GPHN: variants seen among roughly 807,000 people sequenced by gnomAD.
GPHN encodes gephyrin.
Under a neutral mutation model 95.5 loss-of-function variants are expected in GPHN, and 17 were observed. The observed-to-expected ratio is 0.18, with a 90% CI of 0.12 to 0.27. The LOEUF is 0.27. Ranked by LOEUF, GPHN falls within the 10% of genes least tolerant of loss-of-function variation. The probability of loss-of-function intolerance (pLI) is 1.00; values close to 1 mark genes in which losing one functional copy is unlikely to be tolerated. For synonymous variants in GPHN, 320 were observed against 322.5 expected (o/e 0.99, Z 0.08); for missense variants, 660 against 978.1 (o/e 0.67, Z 4.34).
At chr14:67,238,294 G>A in the GPHN span, among the ~76,000 whole-genome samples, 9 of 133,330 alleles carry the variant, frequency 6.8e-5, no homozygotes, top group African/African-American at 1.2e-4. Flanking sequence ...TTTTAGACAC[G>A]GTCTTGCTCT....
the GPHN span, chr14:67,347,278 T>G: frequency 1.4e-6 from 1 of 721,694 alleles, no homozygotes; most frequent in South Asian, 1.9e-5. Flanking sequence ...TTGTCCTGAC[T>G]ATATCAAATA....
At chr14:66,555,681 T>G (rs1188865038) in intron 1 of GPHN, among the ~76,000 whole-genome samples, 1 of 152,124 alleles carries the variant, frequency 6.6e-6, no homozygotes, top group East Asian at 1.9e-4. Flanking sequence ...AGGTTTGTCT[T>G]AGTGTTTGGG....
At chr14:66,965,881 T>G (rs960463290) in intron 9 of GPHN, among the ~76,000 whole-genome samples, 1 of 79,192 alleles carries the variant, frequency 1.3e-5, no homozygotes, top group Admixed American at 1.7e-4. Context: ...TTTCTTAGTC[T>G]TTTTTTTTAT....
rs570533677 is a variant in GPHN, at chr14:67,173,945, G to A, written c.2079+4909G>A. ...ATAGAGAGCTTCAATAACAGACTTT[G>A]TCAGGCCGAAGACTTTCTGAACTTG... On this transcript the variant is annotated intron_variant, in intron 21 of 22. Coordinates refer to ENST00000478722, the MANE Select transcript of GPHN (RefSeq NM_020806.5). Among the ~76,000 whole-genome samples the A allele has an allele frequency of 3.4e-4, 52 of 152,232 alleles. 1 individual carries two copies. The highest frequency in any genetic ancestry group is 1.3e-3 in the African/African-American group (52 of 41,546).
At chr14:66,518,258 A>G (rs1276021480) in intron 1 of GPHN, among the ~76,000 whole-genome samples, 1 of 152,148 alleles carries the variant, frequency 6.6e-6, no homozygotes, top group Non-Finnish European at 1.5e-5. Flanking sequence ...ATTAATCATC[A>G]GGAAAATGCA....
chr14:66,575,825 G>A (rs1476430935), intron 1 of GPHN, among the ~76,000 whole-genome samples: 1 of 152,068 alleles, frequency 6.6e-6, no homozygotes, highest in Non-Finnish European at 1.5e-5. Context: ...GTGTCTGGGT[G>A]TCTGGGATCT....
chr14:67,202,964 G>C, the GPHN span: 1 of 992,242 alleles, frequency 1.0e-6, no homozygotes, highest in African/African-American at 1.6e-5. Context: ...GCATGAGCAA[G>C]TGAAGGAACA....
chr14:66,619,781 A>AT (rs1482571633), intron 1 of GPHN, among the ~76,000 whole-genome samples: 1 of 151,832 alleles, frequency 6.6e-6, no homozygotes, highest in Non-Finnish European at 1.5e-5. Flanking sequence ...TTTATTTTCC[A>AT]TTTGTTCATT....
At chr14:66,650,191 TTGTGTAATA>T (rs148195422) in intron 1 of GPHN, among the ~76,000 whole-genome samples, 1,844 of 152,260 alleles carry the variant, frequency 0.012, 23 homozygotes, top group Non-Finnish European at 0.018. Flanking sequence ...AGAGCCTGCT[TTGTGTAATA>T]TGTGGTGACT....
At chr14:67,464,958 C>G in the GPHN span, among the ~76,000 whole-genome samples, 1 of 152,198 alleles carries the variant, frequency 6.6e-6, no homozygotes, top group African/African-American at 2.4e-5. Context: ...AGTGAGCCAT[C>G]GGAGTTGTCG....
intron 8 of GPHN, among the ~76,000 whole-genome samples, chr14:66,950,946 C>T (rs572152542): frequency 2.6e-5 from 4 of 152,014 alleles, no homozygotes; most frequent in East Asian, 2.0e-4. Flanking sequence ...TGTTTTGAGA[C>T]GGAGTTTCAC....
chr14:67,384,582 C>G, the GPHN span: 4 of 152,132 alleles, frequency 2.6e-5, no homozygotes, highest in African/African-American at 4.8e-5. Flanking sequence ...CCCTAGATAG[C>G]TATTAAGATA....
At chr14:67,207,716 G>A in the GPHN span, among the ~76,000 whole-genome samples, 1 of 152,096 alleles carries the variant, frequency 6.6e-6, no homozygotes, top group Non-Finnish European at 1.5e-5. Flanking sequence ...CAGAAATTGG[G>A]AAATTAGGAG....
At chr14:66,737,995 A>G (rs1413085209) in intron 2 of GPHN, among the ~76,000 whole-genome samples, 2 of 152,188 alleles carry the variant, frequency 1.3e-5, no homozygotes, top group Non-Finnish European at 2.9e-5. Flanking sequence ...ACTTTACCCA[A>G]AAGTAGAATT....
intron 1 of GPHN, among the ~76,000 whole-genome samples, chr14:66,544,811 A>C (rs1159278286): frequency 6.6e-6 from 1 of 151,954 alleles, no homozygotes; most frequent in Non-Finnish European, 1.5e-5. Context: ...TGCTGCCTTC[A>C]AGCATCTGTT....
At chr14:67,732,976 T>TG in the GPHN span, among the ~76,000 whole-genome samples, 1 of 151,838 alleles carries the variant, frequency 6.6e-6, no homozygotes, top group Non-Finnish European at 1.5e-5. Flanking sequence ...ACAAAAAACA[T>TG]GGGGGGAGCG....
intron 4 of GPHN, among the ~76,000 whole-genome samples, chr14:66,860,548 A>G (rs1287613430): frequency 6.6e-6 from 1 of 151,920 alleles, no homozygotes; most frequent in African/African-American, 2.4e-5. Flanking sequence ...ATCATCTGAC[A>G]GTGCAAAACT....
intron 2 of GPHN, among the ~76,000 whole-genome samples, chr14:66,687,485 G>GTTT (rs1468240848): frequency 3.4e-4 from 49 of 143,770 alleles, no homozygotes; most frequent in Non-Finnish European, 4.9e-4. Context: ...TATTTTATTT[G>GTTT]GTTTTTTTTT....
chr14:66,640,805 T>C (rs916317452), intron 1 of GPHN, among the ~76,000 whole-genome samples: 1 of 152,318 alleles, frequency 6.6e-6, no homozygotes, highest in Admixed American at 6.5e-5. Context: ...AAAATATACA[T>C]GTAACCATTC....
Sources: allele counts gnomAD v4.1 joint callset (sites outside exome capture counted in the v4.1 genomes callset), GRCh38; gene constraint gnomAD v4.1.1; transcripts MANE v1.5; gene names NCBI Gene and HGNC (gene_info 2026-07-23, HGNC 2026-07-21).